The following PHACTR2 variants were observed in gnomAD, a reference collection of about 807,000 sequenced individuals.
The protein encoded by PHACTR2 is chromosome 6 open reading frame 56.
Under a neutral mutation model 76.0 loss-of-function variants are expected in PHACTR2, and 30 were observed. The ratio of observed to expected loss-of-function variants is 0.39; its 90% CI spans 0.30 to 0.54. The LOEUF is 0.54. Ranked by LOEUF, PHACTR2 falls within the 20% of genes least tolerant of loss-of-function variation. The pLI, the probability that PHACTR2 is intolerant of heterozygous loss-of-function variation, is 0.61. For missense variants in PHACTR2, 696 were observed against 781.1 expected, an observed-to-expected ratio of 0.89 and a Z score of 1.30; for synonymous variants, 292 against 292.5, an observed-to-expected ratio of 1.00 and a Z score of 0.02.
chr6:143,675,126 T>A (rs1004474516), upstream of PHACTR2, among the ~76,000 whole-genome samples: 4 of 152,204 alleles, frequency 2.6e-5, no homozygotes, highest in Admixed American at 2.6e-4. This position sits in a 1 kb window ranked among gnomAD's most constrained non-coding sequence, Gnocchi z 4.9. Context: ...CTTTGTGTCA[T>A]AAAGGCACAC....
At chr6:143,630,325 G>A (rs79166909) in intron 1 of PHACTR2, among the ~76,000 whole-genome samples, 4,457 of 151,178 alleles carry the variant, frequency 0.029, 115 homozygotes, top group Non-Finnish European at 0.046. Context: ...ACCTTTAGAG[G>A]AAATTTAAGA....
At chr6:143,685,547 C>T (rs1021145742) in intron 1 of PHACTR2, among the ~76,000 whole-genome samples, 2 of 151,852 alleles carry the variant, frequency 1.3e-5, no homozygotes, top group South Asian at 2.1e-4. Flanking sequence ...GACGTTCATC[C>T]GGGGTAACTA....
At chr6:143,768,740 G>A (rs984315221) in intron 6 of PHACTR2, among the ~76,000 whole-genome samples, 1 of 152,172 alleles carries the variant, frequency 6.6e-6, no homozygotes, top group Admixed American at 6.5e-5. Context: ...TAATCAGAGG[G>A]AGTGAGCTTA....
rs190625220 is a variant in PHACTR2, at chr6:143,818,323, G to A, written c.1923-5351G>A. Among the ~76,000 whole-genome samples, 9 of 152,208 alleles carry A rather than the reference G, an allele frequency of 5.9e-5. No individual in the cohort carries two copies. The highest frequency in any genetic ancestry group is 3.9e-4 in the Admixed American group (6 of 15,288). On this transcript the variant is annotated intron_variant, in intron 12 of 12. Coordinates refer to ENST00000440869, the MANE Select transcript of PHACTR2 (RefSeq NM_001100164.2). This position sits in a 1 kb window ranked among gnomAD's most constrained non-coding sequence, Gnocchi z 4.9. The stretch of plus-strand genomic sequence containing the variant: ...TTAGGAAGACAGTCTGGAGCATAGC[G>A]CGTCCACTTACCAGCTGTCTCTCTC...
chr6:143,702,773 CTTTTTTTTTTTT>C (rs1190039194), intron 1 of PHACTR2, among the ~76,000 whole-genome samples: 3 of 100,136 alleles, frequency 3.0e-5, no homozygotes, highest in African/African-American at 8.3e-5. Flanking sequence ...ATATATACAA[CTTTTTTTTTTTT>C]TTTTTTTTTT....
At chr6:143,655,690 T>A (rs1190551735) in intron 1 of PHACTR2, among the ~76,000 whole-genome samples, 2 of 152,256 alleles carry the variant, frequency 1.3e-5, no homozygotes, top group Non-Finnish European at 2.9e-5. Flanking sequence ...GAGAAAAAGA[T>A]TACTGCAATG....
chr6:143,668,055 T>C (rs888313362), intron 1 of PHACTR2, among the ~76,000 whole-genome samples: 2 of 152,234 alleles, frequency 1.3e-5, no homozygotes, highest in African/African-American at 4.8e-5. Flanking sequence ...ATACGTTTTA[T>C]CAACACCTAG....
chr6:143,656,079 A>C lies in PHACTR2; in HGVS notation c.13+47757A>C, dbSNP rs1466009425. Among the ~76,000 whole-genome samples, 4 of 152,216 alleles carry C rather than the reference A, an allele frequency of 2.6e-5. No individual in the cohort carries two copies. Among genetic ancestry groups the C allele is most frequent in the African/African-American group, 7.2e-5 (3 of 41,466 alleles). On this transcript the variant is annotated intron_variant, in intron 1 of 11. Transcript: ENST00000305766. This position sits in a 1 kb window ranked among gnomAD's most constrained non-coding sequence, Gnocchi z 5.3. ...TTTAAAAGAAGCATCAGTGGAGGGA[A>C]GGGTAAATCGTGGGATAAAATACAC...
At chr6:143,586,564 T>C (rs889524281) in intron 1 of PHACTR2, among the ~76,000 whole-genome samples, 5 of 152,214 alleles carry the variant, frequency 3.3e-5, no homozygotes, top group African/African-American at 4.8e-5. Context: ...TTCAGCTCCG[T>C]GACTGCTGCT....
In PHACTR2 at chr6:143,596,581, G is replaced by A. The variant is rs1031230386; in HGVS notation, c.217+59374G>A. 6.6e-6 allele frequency among the ~76,000 whole-genome samples: 1 copy of A among 152,158 alleles called. No homozygotes were observed. Among genetic ancestry groups the A allele is most frequent in the African/African-American group, 2.4e-5 (1 of 41,430 alleles). ...AGGCCGGGCACTGTGGCTCATGCCT[G>A]TAATCCCAGCATTATGGGATGCCAA... On this transcript the variant is annotated intron_variant, in intron 1 of 11. Coordinates refer to the PHACTR2 transcript ENST00000367584. This position sits in a 1 kb window ranked among gnomAD's most constrained non-coding sequence, Gnocchi z 4.6.
chr6:143,815,163 G>A (rs1046716646), intron 12 of PHACTR2, among the ~76,000 whole-genome samples: 7 of 152,308 alleles, frequency 4.6e-5, no homozygotes, highest in African/African-American at 1.4e-4. Flanking sequence ...GAAATTAAAA[G>A]AGTTGCAAAA....
At chr6:143,665,273 T>C (rs1456598104) in intron 1 of PHACTR2, among the ~76,000 whole-genome samples, 3 of 152,246 alleles carry the variant, frequency 2.0e-5, no homozygotes, top group African/African-American at 7.2e-5. Context: ...TTGGATTTAT[T>C]ATGATTCCTT....
Position 143,783,596 on chromosome 6 carries a change from G to T in PHACTR2, c.1707+316G>T, listed in dbSNP as rs1775482242. 1.3e-5 allele frequency among the ~76,000 whole-genome samples: 2 copies of T among 152,204 alleles called. No homozygotes were observed. Among genetic ancestry groups the T allele is most frequent in the Non-Finnish European group, 2.9e-5 (2 of 68,038 alleles). On this transcript the variant is annotated intron_variant, in intron 10 of 12. Transcript: ENST00000440869. This position sits in a 1 kb window ranked among gnomAD's most constrained non-coding sequence, Gnocchi z 5.2. ...ATCGTGCCACTGCACTCCAGGCTGGGAGACAGAATGAGACCCTGTCTCAAA... is the reference window on the plus strand; with the variant it reads ...ATCGTGCCACTGCACTCCAGGCTGGTAGACAGAATGAGACCCTGTCTCAAA...
intron 4 of PHACTR2, among the ~76,000 whole-genome samples, chr6:143,759,761 G>C (rs142585261): frequency 1.9e-3 from 288 of 152,082 alleles, no homozygotes; most frequent in Non-Finnish European, 3.0e-3. Flanking sequence ...AATGTACTGG[G>C]AAAGCTTTAG....
rs915889291 is a variant in PHACTR2, at chr6:143,694,788, G to A, written c.46+16579G>A. On this transcript the variant is annotated intron_variant, in intron 1 of 12. Coordinates refer to ENST00000440869, the MANE Select transcript of PHACTR2 (RefSeq NM_001100164.2). ...TGGTAATTCGAAGATGATTCATTAC[G>A]ACTAACTGCATTTGTATTCTAGCCC... Among the ~76,000 whole-genome samples the A allele has an allele frequency of 2.6e-5, 4 of 152,212 alleles. No individual in the cohort carries two copies. The East Asian group carries it at 5.8e-4, about 22-fold the overall frequency.
At chr6:143,720,270 T>C (rs2128463080) in intron 2 of PHACTR2, among the ~76,000 whole-genome samples, 1 of 152,210 alleles carries the variant, frequency 6.6e-6, no homozygotes, top group East Asian at 1.9e-4. Flanking sequence ...TGCAAAAACT[T>C]GCATTCTAGT....
chr6:143,638,793 A>G (rs568916706), intron 1 of PHACTR2, among the ~76,000 whole-genome samples: 13 of 152,318 alleles, frequency 8.5e-5, no homozygotes, highest in African/African-American at 3.1e-4. Context: ...TCCACAGACA[A>G]TGCTTCTTGC....
At chr6:143,796,395 CT>C (rs1180580105) in intron 11 of PHACTR2, among the ~76,000 whole-genome samples, 1 of 147,252 alleles carries the variant, frequency 6.8e-6, no homozygotes, top group Non-Finnish European at 1.5e-5. Context: ...TTCTTTCTTT[CT>C]TTCTTTCTTT....
chr6:143,748,962 C>T, intron 2 of PHACTR2, 23 bp from the exon 3 acceptor site: 1 of 1,227,712 alleles, frequency 8.1e-7, no homozygotes, highest in South Asian at 1.3e-5. Flanking sequence ...TTGATTCTTA[C>T]TTGTGCTTGT....
Sources: gnomAD v4.1 joint callset for allele counts (sites outside exome capture counted in the v4.1 genomes callset) on GRCh38, gnomAD v4.1.1 for gene constraint, Gnocchi (gnomAD v3.1) non-coding constraint, MANE v1.5 for transcripts, NCBI Gene and HGNC (gene_info 2026-07-23, HGNC 2026-07-21) for gene names.